COX7B2: variants seen among roughly 807,000 people sequenced by gnomAD.
COX7B2 encodes the protein cytochrome c oxidase subunit 7B2, also known as cytochrome c oxidase subunit 7B2, mitochondrial.
For synonymous variants in COX7B2, 37 were observed against 32.1 expected (o/e 1.15, Z -0.51); for missense variants, 109 against 95.9 (o/e 1.14, Z -0.57).
At chr4:46,902,286 C>A (rs1392989145) in intron 1 of COX7B2, among the ~76,000 whole-genome samples, 3 of 152,154 alleles carry the variant, frequency 2.0e-5, no homozygotes, top group African/African-American at 7.2e-5. Context: ...TCATATAACT[C>A]CCTTAACTAC....
intron 2 of COX7B2, among the ~76,000 whole-genome samples, chr4:46,743,362 C>A (rs529534783): frequency 6.6e-6 from 1 of 152,234 alleles, no homozygotes; most frequent in Non-Finnish European, 1.5e-5. Flanking sequence ...AAAGGACAAA[C>A]CTCTGAGAAT....
At chr4:46,857,522 G>C (rs553305065) in intron 1 of COX7B2, among the ~76,000 whole-genome samples, 1 of 152,330 alleles carries the variant, frequency 6.6e-6, no homozygotes, top group Non-Finnish European at 1.5e-5. Context: ...TGTCATGAGG[G>C]AGTGTATTAA....
chr4:46,831,279 G>C (rs909257844), intron 2 of COX7B2, among the ~76,000 whole-genome samples: 1 of 152,154 alleles, frequency 6.6e-6, no homozygotes. Context: ...TCCCCACACA[G>C]CAGCGCTCAG....
chr4:46,861,079 C>T (rs548983124), intron 1 of COX7B2, among the ~76,000 whole-genome samples: 8 of 152,276 alleles, frequency 5.3e-5, no homozygotes, highest in Admixed American at 3.3e-4. Context: ...GAGTCCTACC[C>T]GAGGGGGTTC....
chr4:46,766,551 A>T (rs918664173), intron 2 of COX7B2, among the ~76,000 whole-genome samples: 1 of 151,998 alleles, frequency 6.6e-6, no homozygotes, highest in Non-Finnish European at 1.5e-5. Flanking sequence ...AATAAAAAAA[A>T]ATTAGCCAGA....
chr4:46,776,869 A>G (rs549576210), intron 2 of COX7B2, among the ~76,000 whole-genome samples: 92 of 152,246 alleles, frequency 6.0e-4, no homozygotes, highest in Middle Eastern at 6.8e-3. Flanking sequence ...TGATCACCAT[A>G]CACCAGCTAG....
intron 2 of COX7B2, among the ~76,000 whole-genome samples, chr4:46,762,551 A>T (rs1716250910): frequency 6.8e-6 from 1 of 146,654 alleles, no homozygotes; most frequent in African/African-American, 2.5e-5. Flanking sequence ...AATATAGTTT[A>T]GTATATGCAA....
At chr4:46,895,049 T>G (rs977379071) in intron 1 of COX7B2, among the ~76,000 whole-genome samples, 1 of 152,124 alleles carries the variant, frequency 6.6e-6, no homozygotes, top group Non-Finnish European at 1.5e-5. Context: ...GTGGTGTAAA[T>G]TAGTTCAACC....
intron 1 of COX7B2, among the ~76,000 whole-genome samples, chr4:46,851,936 T>C (rs1716717578): frequency 6.6e-6 from 1 of 152,114 alleles, no homozygotes; most frequent in South Asian, 2.1e-4. Flanking sequence ...TTAACCAGGT[T>C]CTCCCACAGA....
At chr4:46,876,201 G>C (rs1718319328) in intron 1 of COX7B2, among the ~76,000 whole-genome samples, 1 of 152,120 alleles carries the variant, frequency 6.6e-6, no homozygotes, top group Non-Finnish European at 1.5e-5. Context: ...ACAATTACCA[G>C]GGATAGATTA....
At chr4:46,862,882 T>C (rs1178233341) in intron 1 of COX7B2, among the ~76,000 whole-genome samples, 2 of 152,186 alleles carry the variant, frequency 1.3e-5, no homozygotes, top group African/African-American at 4.8e-5. Context: ...GTGAACTTTT[T>C]GTATAGCTTA....
chr4:46,863,576 T>C (rs1408802158), intron 1 of COX7B2, among the ~76,000 whole-genome samples: 3 of 152,214 alleles, frequency 2.0e-5, no homozygotes, highest in African/African-American at 4.8e-5. Context: ...TTTAATTCCA[T>C]AACCTGTTCC....
At chr4:46,880,737 G>A (rs990393411) in intron 1 of COX7B2, among the ~76,000 whole-genome samples, 4 of 147,850 alleles carry the variant, frequency 2.7e-5, no homozygotes, top group East Asian at 4.0e-4. Context: ...AAAAACTATC[G>A]CAAGAACAAA....
chr4:46,835,719 A>T (rs548217649), intron 2 of COX7B2, among the ~76,000 whole-genome samples: 5 of 152,340 alleles, frequency 3.3e-5, no homozygotes, highest in Non-Finnish European at 7.3e-5. Flanking sequence ...GTCTGAAAAA[A>T]TATAAATAAG....
At chr4:46,883,986 GA>G (rs992243514) in intron 1 of COX7B2, among the ~76,000 whole-genome samples, 3 of 152,080 alleles carry the variant, frequency 2.0e-5, no homozygotes, top group Non-Finnish European at 4.4e-5. Context: ...GTAAAAATCA[GA>G]AGAGCTGAAT....
intron 2 of COX7B2, among the ~76,000 whole-genome samples, chr4:46,782,098 AC>A (rs1172493133): frequency 6.6e-6 from 1 of 152,176 alleles, no homozygotes; most frequent in Non-Finnish European, 1.5e-5. Flanking sequence ...CGCAGGATCC[AC>A]TAGGCAAAGC....
intron 2 of COX7B2, among the ~76,000 whole-genome samples, chr4:46,805,011 T>A (rs1224725209): frequency 6.6e-6 from 1 of 152,068 alleles, no homozygotes; most frequent in East Asian, 1.9e-4. Flanking sequence ...CGGCAAGAAG[T>A]CGAGCACAGC....
intron 1 of COX7B2, among the ~76,000 whole-genome samples, chr4:46,870,632 A>C (rs910616267): frequency 2.6e-5 from 4 of 152,156 alleles, no homozygotes; most frequent in Non-Finnish European, 5.9e-5. Context: ...AACATCACCA[A>C]GCTTCAGGAT....
intron 1 of COX7B2, among the ~76,000 whole-genome samples, chr4:46,896,199 A>G (rs896639328): frequency 2.0e-5 from 3 of 152,182 alleles, no homozygotes; most frequent in African/African-American, 7.2e-5. Flanking sequence ...TTGCATATCT[A>G]TAAATTTGAC....
Sources: gnomAD v4.1 joint callset for allele counts (sites outside exome capture counted in the v4.1 genomes callset) on GRCh38, gnomAD v4.1.1 for gene constraint, MANE v1.5 for transcripts, NCBI Gene and HGNC (gene_info 2026-07-23, HGNC 2026-07-21) for gene names.